TENM4: variants seen among roughly 807,000 people sequenced by gnomAD.
The protein encoded by TENM4 is teneurin-4.
Under a neutral mutation model 243.3 loss-of-function variants are expected in TENM4, and 82 were observed. The ratio of observed to expected loss-of-function variants is 0.34; its 90% CI spans 0.28 to 0.40. The LOEUF is 0.40. Ranked by LOEUF, TENM4 falls within the 10% of genes least tolerant of loss-of-function variation. The pLI, the probability that TENM4 is intolerant of heterozygous loss-of-function variation, is 1.00. For missense variants in TENM4, 3,138 were observed against 3,673.3 expected, an observed-to-expected ratio of 0.85 and a Z score of 3.77; for synonymous variants, 1,412 against 1,456.3, an observed-to-expected ratio of 0.97 and a Z score of 0.69.
At chr11:78,814,044 G>A (rs1044877672) in intron 13 of TENM4, among the ~76,000 whole-genome samples, 3 of 152,064 alleles carry the variant, frequency 2.0e-5, no homozygotes, top group Admixed American at 6.5e-5. Flanking sequence ...CTTCACTGTG[G>A]CCACCCCACA....
intron 19 of TENM4, among the ~76,000 whole-genome samples, chr11:78,738,878 C>T (rs923002554): frequency 1.3e-5 from 2 of 152,138 alleles, no homozygotes; most frequent in African/African-American, 2.4e-5. Flanking sequence ...GGCAATATCG[C>T]CTAGTTCTGT....
chr11:79,377,361 G>A (rs972773668), intron 1 of TENM4, among the ~76,000 whole-genome samples: 2 of 152,190 alleles, frequency 1.3e-5, no homozygotes, highest in Non-Finnish European at 2.9e-5. Flanking sequence ...CTAGTGGATG[G>A]TTCTGAGGGT....
intron 27 of TENM4, among the ~76,000 whole-genome samples, chr11:78,707,114 G>A (rs1399165603): frequency 6.6e-6 from 1 of 152,244 alleles, no homozygotes; most frequent in African/African-American, 2.4e-5. Context: ...CTGGAAGCAG[G>A]TGACACAGTC....
At chr11:78,977,583 T>A (rs1857690469) in intron 6 of TENM4, among the ~76,000 whole-genome samples, 1 of 152,234 alleles carries the variant, frequency 6.6e-6, no homozygotes, top group Non-Finnish European at 1.5e-5. Context: ...CAGCAGGTGG[T>A]CATTTGTAGA....
intron 1 of TENM4, among the ~76,000 whole-genome samples, chr11:79,354,093 T>G (rs1857459292): frequency 6.6e-6 from 1 of 152,232 alleles, no homozygotes; most frequent in Admixed American, 6.5e-5. Flanking sequence ...TTTTTGCACT[T>G]ACAAAGTCAG....
intron 18 of TENM4, among the ~76,000 whole-genome samples, chr11:78,760,503 C>T (rs1199822305): frequency 3.9e-5 from 6 of 152,224 alleles, no homozygotes; most frequent in Admixed American, 6.5e-5. Flanking sequence ...AAGCGTGAAG[C>T]ACAAAACTTC....
chr11:79,201,629 C>T (rs1863739781), intron 3 of TENM4, among the ~76,000 whole-genome samples: 1 of 152,158 alleles, frequency 6.6e-6, no homozygotes, highest in Non-Finnish European at 1.5e-5. Context: ...AGAATTCCTG[C>T]CCTTAGGGAG....
chr11:78,898,069 T>C (rs899653409), intron 7 of TENM4, among the ~76,000 whole-genome samples: 16 of 152,152 alleles, frequency 1.1e-4, no homozygotes, highest in African/African-American at 3.9e-4. Context: ...AAGAAGTGGA[T>C]CAGGGTTTGG....
At chr11:79,339,296 C>G (rs759315747) in intron 1 of TENM4, among the ~76,000 whole-genome samples, 1 of 152,194 alleles carries the variant, frequency 6.6e-6, no homozygotes, top group Non-Finnish European at 1.5e-5. Context: ...TCTATAGGGC[C>G]GGCTAGGATG....
At chr11:79,170,720 A>G (rs1210080809) in intron 3 of TENM4, among the ~76,000 whole-genome samples, 7 of 152,186 alleles carry the variant, frequency 4.6e-5, no homozygotes, top group African/African-American at 1.7e-4. Context: ...CTTGAAAGGA[A>G]GCAACCCTGC....
intron 1 of TENM4, among the ~76,000 whole-genome samples, chr11:79,387,854 A>G (rs1039853708): frequency 2.6e-5 from 4 of 152,068 alleles, no homozygotes; most frequent in African/African-American, 9.7e-5. Context: ...ATAATACAAA[A>G]ATTAGCCAGG....
chr11:79,178,169 G>T (rs1029909311), intron 3 of TENM4, among the ~76,000 whole-genome samples: 6 of 152,184 alleles, frequency 3.9e-5, no homozygotes, highest in Non-Finnish European at 1.5e-5. Flanking sequence ...AAGGTGTTTT[G>T]CTTGAGTGAA....
chr11:78,909,240 A>G (rs1253690512), intron 6 of TENM4, among the ~76,000 whole-genome samples: 1 of 152,226 alleles, frequency 6.6e-6, no homozygotes, highest in Non-Finnish European at 1.5e-5. Flanking sequence ...TGATGATAAA[A>G]TTACACATCA....
intron 6 of TENM4, among the ~76,000 whole-genome samples, chr11:78,915,390 T>C (rs1004759347): frequency 6.6e-6 from 1 of 152,128 alleles, no homozygotes; most frequent in African/African-American, 2.4e-5. Flanking sequence ...TATCTTAATA[T>C]ATCATAGCCT....
chr11:79,133,588 T>C (rs997297534), intron 4 of TENM4, among the ~76,000 whole-genome samples: 1 of 152,078 alleles, frequency 6.6e-6, no homozygotes, highest in Admixed American at 6.6e-5. Context: ...TGAACATAGA[T>C]GCTAAAATCC....
At chr11:78,761,175 A>C (rs1856422831) in intron 18 of TENM4, among the ~76,000 whole-genome samples, 1 of 151,846 alleles carries the variant, frequency 6.6e-6, no homozygotes, top group Admixed American at 6.5e-5. Flanking sequence ...AATTCTCGGA[A>C]GGCTTGCCTT....
chr11:78,672,410 T>C (rs901309331), intron 30 of TENM4, 81 bp from the exon 31 acceptor site: 2 of 1,474,878 alleles, frequency 1.4e-6, no homozygotes, highest in African/African-American at 1.4e-5. Context: ...TGCTCTCAGC[T>C]CTGCTGGGAA....
chr11:79,318,932 TC>T (rs1415811708), intron 1 of TENM4, among the ~76,000 whole-genome samples: 2 of 152,116 alleles, frequency 1.3e-5, no homozygotes, highest in African/African-American at 4.8e-5. Context: ...TGGATGTGAT[TC>T]CCTGTCTTTA....
chr11:78,977,114 G>T (rs899451499), intron 6 of TENM4, among the ~76,000 whole-genome samples: 1 of 152,164 alleles, frequency 6.6e-6, no homozygotes, highest in Non-Finnish European at 1.5e-5. Flanking sequence ...GCGCTAGTGG[G>T]TTGCTGTCAT....
Sources: allele counts gnomAD v4.1 joint callset (sites outside exome capture counted in the v4.1 genomes callset), GRCh38; gene constraint gnomAD v4.1.1; transcripts MANE v1.5; gene names NCBI Gene and HGNC (gene_info 2026-07-23, HGNC 2026-07-21).